The following GPR89B variants were observed in gnomAD, a reference collection of about 807,000 sequenced individuals.
The protein encoded by GPR89B is G protein-coupled receptor 89B.
A neutral mutation model predicts 52.4 loss-of-function variants in GPR89B; 25 were observed. The observed-to-expected ratio is 0.48, with a 90% confidence interval of 0.35 to 0.67. GPR89B has a LOEUF of 0.67. Among genes scored for constraint, GPR89B ranks in the 30% least tolerant of loss-of-function variants. The pLI, the probability that GPR89B is intolerant of heterozygous loss-of-function variation, is 0.01. For synonymous variants in GPR89B, 52 were observed against 151.2 expected, an observed-to-expected ratio of 0.34 and a Z score of 4.81; for missense variants, 146 against 450.2, an observed-to-expected ratio of 0.32 and a Z score of 6.11.
chr1:147,965,152 G>A (rs1230494091), intron 7 of GPR89B, among the ~76,000 whole-genome samples: 2 of 150,818 alleles, frequency 1.3e-5, no homozygotes, highest in Non-Finnish European at 2.9e-5. Flanking sequence ...AGCTAAAAGA[G>A]CTGTGTTTCA....
At chr1:147,972,198 G>A (rs1293596108) in intron 10 of GPR89B, among the ~76,000 whole-genome samples, 15 of 149,518 alleles carry the variant, frequency 1.0e-4, no homozygotes, top group Non-Finnish European at 2.1e-4. Context: ...TGGTTTGGAC[G>A]TGCCACAATT....
At chr1:147,995,543 T>TG (rs1165550855), downstream of GPR89B, 7 of 1,579,056 alleles carry the variant, frequency 4.4e-6, no homozygotes, top group Non-Finnish European at 6.1e-6. Flanking sequence ...TCATAGGGAC[T>TG]GTACCCATAC....
intron 5 of GPR89B, among the ~76,000 whole-genome samples, 172 bp from the exon 6 acceptor site, chr1:147,953,173 T>A (rs1189732431): frequency 1.3e-5 from 2 of 151,760 alleles, no homozygotes; most frequent in African/African-American, 4.8e-5. Flanking sequence ...GGAAAATCAG[T>A]AAACTTTTAG....
chr1:148,012,080 A>AATTCT, the GPR89B span: 1 of 152,040 alleles, frequency 6.6e-6, no homozygotes, highest in Non-Finnish European at 1.5e-5. Context: ...TGATTTATTC[A>AATTCT]ATTCTATTCT....
the GPR89B span, chr1:148,005,455 G>A: frequency 6.2e-7 from 1 of 1,604,136 alleles, no homozygotes; most frequent in Non-Finnish European, 8.5e-7. Flanking sequence ...CAGAACTCCA[G>A]CTCTCATAGC....
At chr1:147,949,792 A>AG (rs1655416058) in intron 5 of GPR89B, among the ~76,000 whole-genome samples, 2 of 110,182 alleles carry the variant, frequency 1.8e-5, no homozygotes, top group South Asian at 3.4e-4. Flanking sequence ...CTGGCCGGGC[A>AG]GGGGGCTGAC....
At position 147,986,223 on chromosome 1, in the gene GPR89B, C is replaced by T. The variant is rs1470231180; in HGVS notation, c.934C>T (p.Arg312Ter). Residue 312 changes from arginine to a stop codon, truncating the protein, a stop_gained, in exon 11 of 14, where the codon CGA (arginine) becomes TGA (stop). Transcript: ENST00000314163. LOFTEE classifies it high-confidence loss of function. ...FMATINIVFD[R>*]VGKTDPVTRG... ...GGCTACCATCAATATTGTTTTTGAT[C>T]GAGTTGGGAAAACGGATCCTGTCAC... 23 of 1,610,984 alleles carry T rather than the reference C, an allele frequency of 1.4e-5. No individual in the cohort carries two copies. The South Asian group carries it at 1.5e-4, about 11-fold the overall frequency.
chr1:147,991,665 G>T (rs1659081444), intron 12 of GPR89B, among the ~76,000 whole-genome samples: 1 of 152,294 alleles, frequency 6.6e-6, no homozygotes, highest in East Asian at 1.9e-4. Flanking sequence ...AAGGGCTGTT[G>T]AATTTTGTCA....
intron 5 of GPR89B, among the ~76,000 whole-genome samples, chr1:147,951,051 GA>G (rs1463474612): frequency 4.6e-5 from 7 of 151,964 alleles, no homozygotes; most frequent in African/African-American, 1.7e-4. Flanking sequence ...ACAAGGATTG[GA>G]AAATGTTGAA....
chr1:147,946,909 A>C (rs1339161472), intron 5 of GPR89B, among the ~76,000 whole-genome samples: 1 of 152,196 alleles, frequency 6.6e-6, no homozygotes, highest in African/African-American at 2.4e-5. Context: ...TAATTTATTT[A>C]ACCCTCTAAG....
chr1:147,963,545 T>G (rs1252363822), intron 7 of GPR89B, among the ~76,000 whole-genome samples: 1 of 152,072 alleles, frequency 6.6e-6, no homozygotes, highest in Non-Finnish European at 1.5e-5. Context: ...ATGATGAACA[T>G]TTTATTGTAG....
chr1:148,025,448 G>A, the GPR89B span, among the ~76,000 whole-genome samples: 13 of 149,064 alleles, frequency 8.7e-5, no homozygotes, highest in East Asian at 1.6e-3. Flanking sequence ...GTTTGAACCC[G>A]GGAGGCAGAG....
At chr1:147,935,361 A>G (rs782095279) in intron 1 of GPR89B, among the ~76,000 whole-genome samples, 16 of 152,312 alleles carry the variant, frequency 1.1e-4, no homozygotes, top group South Asian at 4.1e-4. Context: ...CTGAGTTTAC[A>G]CTTGCTCAGT....
chr1:147,956,904 AT>A (rs1656159739), intron 7 of GPR89B, among the ~76,000 whole-genome samples: 1 of 151,634 alleles, frequency 6.6e-6, no homozygotes. Context: ...CACCCAGCTT[AT>A]TTTTGTATTT....
the GPR89B span, among the ~76,000 whole-genome samples, chr1:148,012,651 G>C: frequency 6.6e-6 from 1 of 151,904 alleles, no homozygotes. Flanking sequence ...GTTGTGAAAA[G>C]ACAAAGACAA....
chr1:147,949,897 C>T (rs1655444976), intron 5 of GPR89B, among the ~76,000 whole-genome samples: 7 of 130,650 alleles, frequency 5.4e-5, no homozygotes, highest in African/African-American at 9.3e-5. Flanking sequence ...CCTCACCTCC[C>T]GGACGGGGCG....
rs1224164818 is a variant in GPR89B, at chr1:147,944,895, A to AAT, written c.415+811_415+812dup. ...GGTTTCATGCTGGAACCTTTTTAAA[A>AAT]ATATATATATATATACCTCTTTATT... On this transcript the variant is annotated intron_variant, in intron 5 of 13. Transcript: ENST00000314163. 2.2e-3 allele frequency among the ~76,000 whole-genome samples: 334 copies of AAT among 148,446 alleles called. 1 individual carries two copies. Among genetic ancestry groups the AAT allele is most frequent in the Middle Eastern group, 0.01 (3 of 294 alleles).
At chr1:148,020,575 C>G in the GPR89B span, among the ~76,000 whole-genome samples, 7 of 150,922 alleles carry the variant, frequency 4.6e-5, no homozygotes, top group Non-Finnish European at 8.8e-5. Flanking sequence ...GTGGGTTTTA[C>G]ATTTACTTAC....
the GPR89B span, among the ~76,000 whole-genome samples, chr1:148,017,732 C>T: frequency 5.6e-5 from 6 of 106,686 alleles, no homozygotes; most frequent in African/African-American, 9.7e-5. Context: ...AGCGAGACTC[C>T]GTCTCAAAAT....
Sources: allele counts gnomAD v4.1 joint callset (sites outside exome capture counted in the v4.1 genomes callset), GRCh38; gene constraint gnomAD v4.1.1; transcripts MANE v1.5; gene names NCBI Gene and HGNC (gene_info 2026-07-23, HGNC 2026-07-21).